CCSER1: variants seen among roughly 807,000 people sequenced by gnomAD.
CCSER1 encodes coiled-coil serine rich protein 1, also known as serine-rich coiled-coil domain-containing protein 1.
A neutral mutation model predicts 82.0 loss-of-function variants in CCSER1; 41 were observed. That is an observed-to-expected ratio of 0.50 (90% CI 0.39 to 0.65). The LOEUF (loss-of-function observed/expected upper bound fraction) is 0.65, where lower values mean the gene tolerates loss of function less well. CCSER1 is among the 30% of genes least tolerant of loss of function. CCSER1 has a pLI of 0.00. For synonymous variants in CCSER1, 414 were observed against 383.9 expected (o/e 1.08, Z -0.92); for missense variants, 1,119 against 1,064.2 (o/e 1.05, Z -0.72).
chr4:90,713,919 A>T (rs184263892), intron 6 of CCSER1, among the ~76,000 whole-genome samples: 5 of 151,708 alleles, frequency 3.3e-5, no homozygotes, highest in African/African-American at 9.7e-5. Flanking sequence ...ATTCTTTCCT[A>T]TGCTTGATCT....
intron 10 of CCSER1, among the ~76,000 whole-genome samples, chr4:91,487,930 T>G (rs1236717947): frequency 1.3e-5 from 2 of 152,034 alleles, no homozygotes; most frequent in Non-Finnish European, 2.9e-5. Context: ...ATATTTTTAT[T>G]CTGTTGTAAA....
intron 3 of CCSER1, among the ~76,000 whole-genome samples, chr4:90,365,562 G>A (rs1407521994): frequency 1.3e-5 from 2 of 151,774 alleles, no homozygotes; most frequent in African/African-American, 4.8e-5. Flanking sequence ...TTAATTCACT[G>A]CTTTGTAGGC....
chr4:91,202,634 A>G (rs1222849756), intron 10 of CCSER1, among the ~76,000 whole-genome samples: 2 of 151,646 alleles, frequency 1.3e-5, no homozygotes, highest in Admixed American at 1.3e-4. Flanking sequence ...AGAAAGGGCA[A>G]TGGACCTTGA....
intron 1 of CCSER1, among the ~76,000 whole-genome samples, chr4:90,133,014 C>T (rs1723067371): frequency 1.3e-5 from 2 of 151,994 alleles, no homozygotes; most frequent in South Asian, 4.1e-4. Flanking sequence ...ATATCTGGAG[C>T]CCCACCACAG....
At chr4:90,942,602 T>A (rs570974470) in intron 9 of CCSER1, among the ~76,000 whole-genome samples, 1 of 152,156 alleles carries the variant, frequency 6.6e-6, no homozygotes, top group South Asian at 2.1e-4. Flanking sequence ...GGTCACGTTA[T>A]ATATGGGCAC....
chr4:90,400,045 A>G lies in CCSER1; in HGVS notation c.1519A>G (p.Asn507Asp). ...TTTGATTTTTCTTCAGGATGTTTTG[A>G]ATAATTTGGGATCTTGTGAACTGGA... ...SSKMNSLDVL[N>D]NLGSCELDED... The change falls in exon 4 of 11, where the codon AAT becomes GAT. Residue 507 changes from asparagine to aspartate, a missense_variant. Asn to Asp is a conservative substitution (Grantham distance 23, BLOSUM62 1). Coordinates refer to ENST00000509176, the MANE Select transcript of CCSER1 (RefSeq NM_001145065.2). 1 of 1,597,210 alleles carries G rather than the reference A, an allele frequency of 6.3e-7. No homozygotes were observed. The highest frequency in any genetic ancestry group is 2.2e-5 in the East Asian group (1 of 44,640).
chr4:90,348,714 A>G (rs1742873654), intron 3 of CCSER1, among the ~76,000 whole-genome samples: 1 of 152,182 alleles, frequency 6.6e-6, no homozygotes, highest in South Asian at 2.1e-4. Flanking sequence ...TTCAGATTAA[A>G]AAAAAGAAAA....
At chr4:91,171,933 T>C (rs1732799190) in intron 10 of CCSER1, among the ~76,000 whole-genome samples, 1 of 152,120 alleles carries the variant, frequency 6.6e-6, no homozygotes, top group Non-Finnish European at 1.5e-5. Context: ...CTTTTAAATA[T>C]TCAGGGTCCA....
chr4:90,499,150 G>A (rs372811355), intron 5 of CCSER1, among the ~76,000 whole-genome samples: 7 of 151,974 alleles, frequency 4.6e-5, no homozygotes, highest in African/African-American at 1.4e-4. Flanking sequence ...GTGTGTTTGT[G>A]TGTATTTGTA....
chr4:90,832,660 A>T (rs1428238857), intron 8 of CCSER1, among the ~76,000 whole-genome samples: 1 of 152,192 alleles, frequency 6.6e-6, no homozygotes, highest in Non-Finnish European at 1.5e-5. Context: ...GAAATTTTCC[A>T]TATTCTTATT....
intron 10 of CCSER1, among the ~76,000 whole-genome samples, chr4:91,464,220 T>C (rs1044464865): frequency 1.3e-5 from 2 of 152,032 alleles, no homozygotes; most frequent in Non-Finnish European, 2.9e-5. Flanking sequence ...AAGAAAAGTA[T>C]TTTCAAACCA....
intron 7 of CCSER1, among the ~76,000 whole-genome samples, chr4:90,809,712 A>G (rs1757999174): frequency 6.8e-6 from 1 of 147,426 alleles, no homozygotes; most frequent in African/African-American, 2.6e-5. Flanking sequence ...TGAAAATAAA[A>G]TTAAAAAAAT....
intron 10 of CCSER1, among the ~76,000 whole-genome samples, chr4:91,533,725 GA>G (rs200854461): frequency 1.8e-4 from 26 of 148,484 alleles, no homozygotes; most frequent in East Asian, 5.9e-4. Context: ...CAGGAAAAAT[GA>G]AAAAAAAAAT....
At chr4:91,179,206 C>T (rs796535229) in intron 10 of CCSER1, among the ~76,000 whole-genome samples, 14 of 152,302 alleles carry the variant, frequency 9.2e-5, no homozygotes, top group African/African-American at 3.4e-4. Flanking sequence ...TGTGGGTAAC[C>T]CAACCTTTCT....
chr4:91,260,763 T>A lies in CCSER1; in HGVS notation c.2217+174769T>A, dbSNP rs567114965. ...AGTTTTTTATTTATTTATTTATTTA[T>A]TTTTTTATTTTTTTTGAGAGGGAGT... On this transcript the variant is annotated intron_variant, in intron 10 of 10. Transcript: ENST00000509176. 8.6e-5 allele frequency among the ~76,000 whole-genome samples: 12 copies of A among 139,264 alleles called. No individual in the cohort carries two copies. In the South Asian group the frequency reaches 8.8e-4, roughly 10 times the overall value. The allele number at this position is 139,264 out of a possible 152,430, so 91.4% of individuals were successfully genotyped here.
intron 7 of CCSER1, among the ~76,000 whole-genome samples, chr4:90,776,143 T>G (rs1752864555): frequency 6.6e-6 from 1 of 152,158 alleles, no homozygotes; most frequent in Non-Finnish European, 1.5e-5. Flanking sequence ...AGTAAAACAA[T>G]TGTACTGTAT....
At chr4:91,136,245 A>T (rs188827563) in intron 10 of CCSER1, among the ~76,000 whole-genome samples, 1 of 152,286 alleles carries the variant, frequency 6.6e-6, no homozygotes, top group African/African-American at 2.4e-5. Context: ...TTCACACCTC[A>T]TACATTTGCC....
chr4:90,264,902 C>CTTAAT (rs1456145900), intron 1 of CCSER1, among the ~76,000 whole-genome samples: 3 of 152,050 alleles, frequency 2.0e-5, no homozygotes, highest in African/African-American at 7.2e-5. Context: ...TTAATAAGCT[C>CTTAAT]CAGATTACAT....
In CCSER1 at chr4:91,051,797, A is replaced by C. The variant is rs533087332; in HGVS notation, c.2173-34153A>C. ...ATCATTACTATAGAGTGAATATTTT[A>C]ATTTGTGCATAATATCATAAATGTT... On this transcript the variant is annotated intron_variant, in intron 9 of 10. Coordinates refer to ENST00000509176, the MANE Select transcript of CCSER1 (RefSeq NM_001145065.2). 4.6e-5 allele frequency among the ~76,000 whole-genome samples: 7 copies of C among 152,272 alleles called. No individual in the cohort carries two copies. In the East Asian group the frequency reaches 1.3e-3, roughly 29 times the overall value.
Sources: gnomAD v4.1 joint callset for allele counts (sites outside exome capture counted in the v4.1 genomes callset) on GRCh38, gnomAD v4.1.1 for gene constraint, MANE v1.5 for transcripts, NCBI Gene and HGNC (gene_info 2026-07-23, HGNC 2026-07-21) for gene names.